GAP43: variants seen among roughly 807,000 people sequenced by gnomAD.
GAP43 encodes the protein neuromodulin.
GAP43 carries 6 observed loss-of-function variants against 18.6 expected under a neutral mutation model. That is an observed-to-expected ratio of 0.32 (90% CI 0.18 to 0.64). GAP43 has a LOEUF of 0.64. GAP43 is among the 30% of genes least tolerant of loss of function. The pLI is 0.78. For missense variants in GAP43, 292 were observed against 295.5 expected, an observed-to-expected ratio of 0.99 and a Z score of 0.09; for synonymous variants, 115 against 111.4, an observed-to-expected ratio of 1.03 and a Z score of -0.20.
chr3:115,716,713 G>T (rs201065676), intron 2 of GAP43, among the ~76,000 whole-genome samples: 1 of 24,030 alleles, frequency 4.2e-5, no homozygotes, highest in Non-Finnish European at 8.4e-5. Flanking sequence ...TTTAATCTCA[G>T]ACAAATATAT....
intron 1 of GAP43, among the ~76,000 whole-genome samples, chr3:115,645,843 G>A (rs1302689299): frequency 6.6e-6 from 1 of 151,904 alleles, no homozygotes; most frequent in African/African-American, 2.4e-5. Flanking sequence ...CAAGATGGAA[G>A]GCATTTCAAG....
intron 1 of GAP43, among the ~76,000 whole-genome samples, chr3:115,624,943 G>C (rs971696774): frequency 6.6e-6 from 1 of 151,502 alleles, no homozygotes; most frequent in South Asian, 2.1e-4. Flanking sequence ...GAAGCCCTTC[G>C]CAGACTGATT....
chr3:115,704,631 A>G lies in GAP43; in HGVS notation c.629-16163A>G, dbSNP rs548563258. ...TACCTTGCATTTCTCAAACAAAAAT[A>G]GCAATGGAGGGAAGGAAGAAAGAAG... On this transcript the variant is annotated intron_variant, in intron 2 of 2. Transcript: ENST00000305124. Among the ~76,000 whole-genome samples the G allele has an allele frequency of 3.3e-5, 5 of 152,226 alleles. No homozygotes were observed. The East Asian group carries it at 7.7e-4, about 23-fold the overall frequency.
At chr3:115,695,159 A>G (rs1709169189) in intron 2 of GAP43, among the ~76,000 whole-genome samples, 1 of 152,218 alleles carries the variant, frequency 6.6e-6, no homozygotes, top group East Asian at 1.9e-4. Context: ...TCAGAGTTAA[A>G]GAATATTAGT....
At chr3:115,630,518 T>C (rs1708247706) in intron 1 of GAP43, among the ~76,000 whole-genome samples, 1 of 152,196 alleles carries the variant, frequency 6.6e-6, no homozygotes, top group Admixed American at 6.5e-5. Flanking sequence ...CAACCACTGT[T>C]TTCCATGAAA....
In GAP43 at chr3:115,706,739, C is replaced by CT. The variant is rs139117234; in HGVS notation, c.629-14048dup. ...TCAAAGCCGTTTTCAAAAAACTATT[C>CT]TTTTTTTCACTCCACAAGCAGAAAC... On this transcript the variant is annotated intron_variant, in intron 2 of 2. Coordinates refer to ENST00000305124, the MANE Select transcript of GAP43 (RefSeq NM_002045.4). Among the ~76,000 whole-genome samples, 1,177 of 152,150 alleles carry CT rather than the reference C, an allele frequency of 7.7e-3. 14 individuals are homozygous for CT. Among genetic ancestry groups the CT allele is most frequent in the African/African-American group, 0.027 (1,118 of 41,510 alleles).
At chr3:115,626,818 T>G (rs1261713894) in intron 1 of GAP43, among the ~76,000 whole-genome samples, 1 of 152,138 alleles carries the variant, frequency 6.6e-6, no homozygotes, top group Non-Finnish European at 1.5e-5. Context: ...AAATCTTATC[T>G]CTGAGAGTGT....
chr3:115,669,053 A>T (rs1708774294), intron 1 of GAP43, among the ~76,000 whole-genome samples: 1 of 147,200 alleles, frequency 6.8e-6, no homozygotes, highest in African/African-American at 2.5e-5. Context: ...CTAAAAAAAA[A>T]AAAAGAAAGA....
Position 115,687,251 on chromosome 3 carries a change from T to G in GAP43, c.628+10641T>G, listed in dbSNP as rs944622209. 6.7e-4 allele frequency among the ~76,000 whole-genome samples: 102 copies of G among 152,150 alleles called. 1 individual carries two copies. The highest frequency in any genetic ancestry group is 2.4e-3 in the African/African-American group (101 of 41,486). ...ATGTGGACAGCAATAAAAGAGTCAA[T>G]GCCAATCGATCTCATTTACTGTAAG... On this transcript the variant is annotated intron_variant, in intron 2 of 2. Transcript: ENST00000305124.
In GAP43 at chr3:115,676,520, A is replaced by G; in HGVS notation, c.538A>G (p.Thr180Ala). 1 of 1,613,370 alleles carries G rather than the reference A, an allele frequency of 6.2e-7. No individual in the cohort carries two copies. Among genetic ancestry groups the G allele is most frequent in the Non-Finnish European group, 8.5e-7 (1 of 1,179,930 alleles). The change falls in exon 2 of 3, where the codon ACC (threonine) becomes GCC (alanine). Residue 180 changes from threonine to alanine, a missense_variant. Thr to Ala is a moderately conservative substitution (Grantham distance 58). Coordinates refer to ENST00000305124, the MANE Select transcript of GAP43 (RefSeq NM_002045.4). The stretch of plus-strand genomic sequence containing the variant: ...TGCTGCTGTCACTGCTGCTGCTGCC[A>G]CCACCCCTGCCGCAGAGGATGCTGC... ...VPAAVTAAAA[T>A]TPAAEDAAAK...
intron 2 of GAP43, among the ~76,000 whole-genome samples, chr3:115,710,608 C>A (rs1709421786): frequency 6.6e-6 from 1 of 151,886 alleles, no homozygotes; most frequent in Non-Finnish European, 1.5e-5. Flanking sequence ...TGTTTTGAAC[C>A]AAATTTTCAG....
At chr3:115,654,767 G>A (rs1304853631) in intron 1 of GAP43, among the ~76,000 whole-genome samples, 1 of 152,152 alleles carries the variant, frequency 6.6e-6, no homozygotes, top group Non-Finnish European at 1.5e-5. Flanking sequence ...ATCCACTGCT[G>A]CAAAGAACAG....
intron 1 of GAP43, among the ~76,000 whole-genome samples, chr3:115,641,649 C>T (rs983150335): frequency 3.9e-5 from 6 of 151,930 alleles, no homozygotes; most frequent in Admixed American, 3.9e-4. Context: ...ACTGGGTCCA[C>T]AGTTAAAGCT....
chr3:115,633,303 C>T (rs1708286780), intron 1 of GAP43, among the ~76,000 whole-genome samples: 1 of 152,044 alleles, frequency 6.6e-6, no homozygotes, highest in East Asian at 1.9e-4. Flanking sequence ...CTTGGGTCAC[C>T]TAGCAACTGC....
intron 2 of GAP43, among the ~76,000 whole-genome samples, chr3:115,685,634 C>G (rs1709023026): frequency 6.6e-6 from 1 of 152,206 alleles, no homozygotes; most frequent in Non-Finnish European, 1.5e-5. Flanking sequence ...TACACAAAAA[C>G]TGCAACTTAA....
At chr3:115,648,587 G>A (rs1190848550) in intron 1 of GAP43, among the ~76,000 whole-genome samples, 6 of 152,134 alleles carry the variant, frequency 3.9e-5, no homozygotes, top group Admixed American at 3.9e-4. Flanking sequence ...TGGCCAGCAT[G>A]AGGAAAACAT....
intron 2 of GAP43, among the ~76,000 whole-genome samples, chr3:115,693,487 AATT>A (rs142558403): frequency 3.5e-5 from 5 of 144,500 alleles, no homozygotes; most frequent in Admixed American, 6.7e-5. Context: ...AATCCTGTTA[AATT>A]ATTATTATTA....
chr3:115,658,219 G>A (rs1708611418), intron 1 of GAP43, among the ~76,000 whole-genome samples: 1 of 152,148 alleles, frequency 6.6e-6, no homozygotes, highest in African/African-American at 2.4e-5. Flanking sequence ...GGGCAGCAGA[G>A]GAGAGGAGAG....
Position 115,623,815 on chromosome 3 carries a change from T to TG in GAP43, c.30+98dup. On this transcript the variant is annotated intron_variant, in intron 1 of 2. Coordinates refer to ENST00000305124, the MANE Select transcript of GAP43 (RefSeq NM_002045.4). ...AACAATTTTTTTACTGCTTCTGCTC[T>TG]GGCCGTGGTGCTCGCGCTTCCTTAG... is the stretch of plus-strand genomic sequence containing the variant. 5 of 1,263,046 alleles carry TG rather than the reference T, an allele frequency of 4.0e-6. No homozygotes were observed. In the Admixed American group the frequency reaches 8.4e-5, roughly 21 times the overall value. The allele number at this position is 1,263,046 out of a possible 1,614,324, so 78.2% of individuals were successfully genotyped here.
Sources: allele counts gnomAD v4.1 joint callset (sites outside exome capture counted in the v4.1 genomes callset), GRCh38; gene constraint gnomAD v4.1.1; transcripts MANE v1.5; gene names NCBI Gene and HGNC (gene_info 2026-07-23, HGNC 2026-07-21).